Variants in LYZL4 observed in about 807,000 individuals in gnomAD.
The protein encoded by LYZL4 is lysozyme like 4.
LYZL4 carries 13 observed loss-of-function variants against 17.6 expected under a neutral mutation model. The ratio of observed to expected loss-of-function variants is 0.74; its 90% CI spans 0.48 to 1.18. The LOEUF (loss-of-function observed/expected upper bound fraction) is 1.18, where lower values mean the gene tolerates loss of function less well. Among genes scored for constraint, LYZL4 ranks in the 50% most tolerant of loss-of-function variants. The pLI is 0.00. For synonymous variants in LYZL4, 64 were observed against 67.7 expected, an observed-to-expected ratio of 0.95 and a Z score of 0.27; for missense variants, 174 against 188.2, an observed-to-expected ratio of 0.92 and a Z score of 0.44.
the LYZL4 span, among the ~76,000 whole-genome samples, chr3:42,372,654 C>T: frequency 6.6e-6 from 1 of 152,240 alleles, no homozygotes; most frequent in African/African-American, 2.4e-5. Context: ...TCCACCCCAA[C>T]TCCCACCCAC....
the LYZL4 span, among the ~76,000 whole-genome samples, chr3:42,375,567 C>T: frequency 1.3e-5 from 2 of 152,284 alleles, no homozygotes; most frequent in Non-Finnish European, 2.9e-5. Context: ...TAGCACTCTG[C>T]TCTTCGACTG....
intron 1 of LYZL4, 43 bp from the exon 2 acceptor site, chr3:42,407,386 A>G: frequency 8.6e-7 from 1 of 1,161,732 alleles, no homozygotes; most frequent in Non-Finnish European, 1.2e-6. Context: ...TCATCAGAAA[A>G]ATGGGAGTCT....
At chr3:42,407,577 C>T (rs1001095795) in intron 1 of LYZL4, 21 of 314,468 alleles carry the variant, frequency 6.7e-5, no homozygotes, top group African/African-American at 4.5e-4. Flanking sequence ...CCATTGGCTC[C>T]TTCTGGGTTT....
chr3:42,396,920 C>A (rs546300778), downstream of LYZL4, among the ~76,000 whole-genome samples: 4 of 152,296 alleles, frequency 2.6e-5, no homozygotes, highest in African/African-American at 7.2e-5. Context: ...CCTGTTCTTC[C>A]TTTTCCTGTT....
the LYZL4 span, among the ~76,000 whole-genome samples, chr3:42,385,850 C>T: frequency 6.6e-6 from 1 of 152,166 alleles, no homozygotes; most frequent in African/African-American, 2.4e-5. Flanking sequence ...ACTAAGAAAA[C>T]ACAATTGTGT....
At chr3:42,393,066 A>G (rs1040182819), downstream of LYZL4, among the ~76,000 whole-genome samples, 1 of 152,116 alleles carries the variant, frequency 6.6e-6, no homozygotes, top group African/African-American at 2.4e-5. Context: ...GAGGGGCAGG[A>G]ACAGGAGAAT....
the LYZL4 span, among the ~76,000 whole-genome samples, chr3:42,380,712 T>C: frequency 6.6e-6 from 1 of 152,154 alleles, no homozygotes; most frequent in African/African-American, 2.4e-5. Context: ...ACATCTACAT[T>C]ACAGGATTTC....
the LYZL4 span, among the ~76,000 whole-genome samples, chr3:42,389,503 T>C: frequency 8.5e-5 from 13 of 152,212 alleles, no homozygotes; most frequent in African/African-American, 1.7e-4. Flanking sequence ...AGCAACTAAT[T>C]CCACGGAGCC....
the LYZL4 span, among the ~76,000 whole-genome samples, chr3:42,386,193 C>T: frequency 6.6e-6 from 1 of 152,114 alleles, no homozygotes; most frequent in African/African-American, 2.4e-5. Context: ...ACTTCCACCT[C>T]CCGGGTTCAA....
At chr3:42,386,989 T>A in the LYZL4 span, among the ~76,000 whole-genome samples, 1 of 152,340 alleles carries the variant, frequency 6.6e-6, no homozygotes, top group Non-Finnish European at 1.5e-5. Flanking sequence ...AAGATTTTTT[T>A]AAATTCGCCT....
At chr3:42,391,581 CT>C in the LYZL4 span, among the ~76,000 whole-genome samples, 2 of 152,068 alleles carry the variant, frequency 1.3e-5, no homozygotes, top group African/African-American at 4.8e-5. Flanking sequence ...GACCATAATA[CT>C]TATAATAAAC....
chr3:42,368,704 G>A, the LYZL4 span, among the ~76,000 whole-genome samples: 7 of 151,934 alleles, frequency 4.6e-5, no homozygotes, highest in East Asian at 9.6e-4. Flanking sequence ...TTCAATATGC[G>A]CCCAGATTGC....
At chr3:42,364,524 T>A in the LYZL4 span, among the ~76,000 whole-genome samples, 1 of 151,816 alleles carries the variant, frequency 6.6e-6, no homozygotes, top group African/African-American at 2.4e-5. Flanking sequence ...TTTGTATTTT[T>A]AGTAGAGACG....
intron 4 of LYZL4, among the ~76,000 whole-genome samples, chr3:42,403,469 T>G (rs1377026208): frequency 6.6e-6 from 1 of 151,826 alleles, no homozygotes; most frequent in Non-Finnish European, 1.5e-5. Flanking sequence ...AGAGACGAGG[T>G]TTTGCCATGT....
the LYZL4 span, among the ~76,000 whole-genome samples, chr3:42,372,123 A>G: frequency 6.6e-6 from 1 of 152,292 alleles, no homozygotes; most frequent in South Asian, 2.1e-4. Context: ...AGCCACGTCC[A>G]TTTCTGTCCT....
the LYZL4 span, among the ~76,000 whole-genome samples, chr3:42,361,703 C>T: frequency 6.6e-6 from 1 of 151,992 alleles, no homozygotes; most frequent in South Asian, 2.1e-4. Context: ...GCACTCCAGC[C>T]TGGTTAACTG....
At chr3:42,405,026 T>C (rs1698724183) in intron 3 of LYZL4, among the ~76,000 whole-genome samples, 1 of 152,156 alleles carries the variant, frequency 6.6e-6, no homozygotes, top group Admixed American at 6.5e-5. Context: ...GGAGGACCTC[T>C]AGAAGTGACT....
chr3:42,397,334 C>T lies in LYZL4; in HGVS notation c.372G>A (p.Trp124Ter). Residue 124 changes from tryptophan (W) to a stop codon, truncating the protein, a stop_gained and splice_region_variant, in exon 5 of 5, where the codon TGG becomes TGA. Coordinates refer to ENST00000287748, the MANE Select transcript of LYZL4 (RefSeq NM_144634.4). LOFTEE classifies it high-confidence loss of function. ...ACTGGCAGTACCGGGACCAGGTGGGCCTGTGGAGAGAAGTGAACAGGAAGG... is the reference window on the plus strand; with the variant it reads ...ACTGGCAGTACCGGGACCAGGTGGGTCTGTGGAGAGAAGTGAACAGGAAGG... ...IVKGKEGMGA[W>*]PTWSRYCQYS... 4 of 1,569,424 alleles carry T rather than the reference C, an allele frequency of 2.5e-6. No individual in the cohort carries two copies. Among genetic ancestry groups the T allele is most frequent in the Middle Eastern group, 1.7e-4 (1 of 6,006 alleles).
the LYZL4 span, among the ~76,000 whole-genome samples, chr3:42,366,828 C>G: frequency 2.0e-5 from 3 of 152,322 alleles, no homozygotes; most frequent in Admixed American, 6.5e-5. Context: ...GTGGGAGAGA[C>G]AGAAAACACA....
Sources: gnomAD v4.1 joint callset for allele counts (sites outside exome capture counted in the v4.1 genomes callset) on GRCh38, gnomAD v4.1.1 for gene constraint, MANE v1.5 for transcripts, NCBI Gene and HGNC (gene_info 2026-07-23, HGNC 2026-07-21) for gene names.